The following CADM2 variants were observed in gnomAD, a reference collection of about 807,000 sequenced individuals.
CADM2 encodes cell adhesion molecule 2.
Under a neutral mutation model 49.8 loss-of-function variants are expected in CADM2, and 12 were observed. That is an observed-to-expected ratio of 0.24 (90% CI 0.15 to 0.39). The LOEUF is 0.39. Ranked by LOEUF, CADM2 falls within the 10% of genes least tolerant of loss-of-function variation. CADM2 has a pLI of 1.00. For synonymous variants in CADM2, 214 were observed against 175.4 expected, an observed-to-expected ratio of 1.22 and a Z score of -1.74; for missense variants, 378 against 492.3, an observed-to-expected ratio of 0.77 and a Z score of 2.20.
chr3:85,517,405 G>A (rs1463508374), intron 1 of CADM2, among the ~76,000 whole-genome samples: 1 of 152,094 alleles, frequency 6.6e-6, no homozygotes, highest in South Asian at 2.1e-4. Context: ...ATAGCCCTTG[G>A]CAATTTCTAA....
At chr3:85,746,027 T>C (rs1471640181) in intron 2 of CADM2, among the ~76,000 whole-genome samples, 6 of 152,136 alleles carry the variant, frequency 3.9e-5, no homozygotes, top group Non-Finnish European at 1.5e-5. Flanking sequence ...AGATACATAG[T>C]CAGAAAAATA....
chr3:85,467,241 C>A (rs1033689597), intron 1 of CADM2, among the ~76,000 whole-genome samples: 4 of 152,098 alleles, frequency 2.6e-5, no homozygotes, highest in Admixed American at 2.0e-4. Context: ...CATAACTTGT[C>A]ATTTAATGTG....
chr3:86,005,768 G>A (rs1676917824), intron 8 of CADM2, among the ~76,000 whole-genome samples: 1 of 152,064 alleles, frequency 6.6e-6, no homozygotes, highest in Admixed American at 6.6e-5. Context: ...CTATTGTGCT[G>A]TCAAATAGTA....
At chr3:85,230,022 A>T (rs539251498) in intron 1 of CADM2, among the ~76,000 whole-genome samples, 4 of 152,294 alleles carry the variant, frequency 2.6e-5, no homozygotes, top group South Asian at 4.1e-4. Context: ...GTCCTTTCCC[A>T]CATTGAACTC....
chr3:85,522,713 T>C (rs1410359838), intron 1 of CADM2, among the ~76,000 whole-genome samples: 2 of 151,608 alleles, frequency 1.3e-5, no homozygotes, highest in Non-Finnish European at 2.9e-5. Flanking sequence ...GTAGGAGCAA[T>C]GAAGATACTC....
intron 3 of CADM2, among the ~76,000 whole-genome samples, chr3:85,876,585 AT>A (rs1436852396): frequency 6.6e-6 from 1 of 152,156 alleles, no homozygotes; most frequent in African/African-American, 2.4e-5. Context: ...ATGGAATATG[AT>A]TTTTTGTCAT....
At chr3:85,768,763 TA>T (rs1177904527) in intron 2 of CADM2, among the ~76,000 whole-genome samples, 1 of 136,418 alleles carries the variant, frequency 7.3e-6, no homozygotes, top group Non-Finnish European at 1.5e-5. Flanking sequence ...ATATATAGTA[TA>T]TATACACATA....
intron 1 of CADM2, among the ~76,000 whole-genome samples, chr3:85,451,634 C>T (rs1055067596): frequency 2.6e-5 from 4 of 152,096 alleles, no homozygotes; most frequent in Non-Finnish European, 4.4e-5. Context: ...CTAACACAGA[C>T]ATTCACATCA....
intron 8 of CADM2, among the ~76,000 whole-genome samples, chr3:86,035,238 A>G (rs1473835317): frequency 6.6e-6 from 1 of 151,986 alleles, no homozygotes; most frequent in Non-Finnish European, 1.5e-5. Context: ...TGAACCTGAG[A>G]CTTTTCACAT....
rs909719529 is a variant in CADM2 at position 85,190,621 on chromosome 3, G to A, written c.61+230953G>A. ...ATTTGCTGAGATTTAAAAGAAAGGC[G>A]ATAATTTTGAGCAGGACCCTTTTAG... On this transcript the variant is annotated intron_variant, in intron 1 of 9. Coordinates refer to ENST00000383699, the MANE Select transcript of CADM2 (RefSeq NM_001167675.2). Among the ~76,000 whole-genome samples the A allele has an allele frequency of 3.4e-4, 52 of 152,062 alleles. 1 individual carries two copies. Among genetic ancestry groups the A allele is most frequent in the Non-Finnish European group, 1.2e-4 (8 of 68,008 alleles).
intron 1 of CADM2, among the ~76,000 whole-genome samples, chr3:85,295,843 G>A (rs912333414): frequency 5.3e-5 from 8 of 151,556 alleles, no homozygotes; most frequent in Non-Finnish European, 1.2e-4. Flanking sequence ...CGAGTTAGTG[G>A]GTGCAACACA....
chr3:85,752,729 GAAAGAAAA>G (rs1559633092), intron 2 of CADM2, among the ~76,000 whole-genome samples: 2 of 151,706 alleles, frequency 1.3e-5, no homozygotes, highest in Non-Finnish European at 2.9e-5. Context: ...CCCACTCGTG[GAAAGAAAA>G]AAATCATGGA....
At chr3:84,985,518 A>G (rs2032500195) in intron 1 of CADM2, among the ~76,000 whole-genome samples, 1 of 152,276 alleles carries the variant, frequency 6.6e-6, no homozygotes, top group African/African-American at 2.4e-5. Context: ...AGAGATTTGA[A>G]TCACTCTGGA....
intron 1 of CADM2, among the ~76,000 whole-genome samples, chr3:85,592,815 A>G (rs945941336): frequency 6.6e-6 from 1 of 151,794 alleles, no homozygotes; most frequent in African/African-American, 2.4e-5. Flanking sequence ...CCAACGCGTC[A>G]TCTACATTAG....
At chr3:85,082,425 G>A (rs546009251) in intron 1 of CADM2, among the ~76,000 whole-genome samples, 7 of 152,220 alleles carry the variant, frequency 4.6e-5, no homozygotes, top group African/African-American at 9.6e-5. Context: ...GACATAATGC[G>A]ACTCTTTATG....
At chr3:85,640,859 T>TTAAATA (rs5850707) in intron 1 of CADM2, among the ~76,000 whole-genome samples, 78,915 of 151,330 alleles carry the variant, frequency 0.52, 21,500 homozygotes, top group East Asian at 0.62. Context: ...TGACATTAGG[T>TTAAATA]TATATTCTGG....
intron 8 of CADM2, among the ~76,000 whole-genome samples, chr3:86,044,295 T>C (rs550586379): frequency 4.3e-4 from 66 of 151,932 alleles, no homozygotes; most frequent in Admixed American, 3.0e-3. Flanking sequence ...AGGGAGAAAA[T>C]TTTTGCAATC....
intron 1 of CADM2, among the ~76,000 whole-genome samples, chr3:85,078,481 A>G (rs569626789): frequency 6.6e-6 from 1 of 151,970 alleles, no homozygotes; most frequent in Admixed American, 6.6e-5. Flanking sequence ...ATATGGCTAT[A>G]TATAAAGCCA....
chr3:85,942,440 T>C (rs62263268), intron 7 of CADM2, among the ~76,000 whole-genome samples: 2 of 151,454 alleles, frequency 1.3e-5, no homozygotes, highest in African/African-American at 4.8e-5. Context: ...CCCACTAACT[T>C]GTCATCTAGC....
Sources: gnomAD v4.1 joint callset for allele counts (sites outside exome capture counted in the v4.1 genomes callset) on GRCh38, gnomAD v4.1.1 for gene constraint, MANE v1.5 for transcripts, NCBI Gene and HGNC (gene_info 2026-07-23, HGNC 2026-07-21) for gene names.